The following DLEC1 variants were observed in gnomAD, a reference collection of about 807,000 sequenced individuals.
The protein encoded by DLEC1 is deleted in lung and esophageal cancer protein 1.
A neutral mutation model predicts 198.1 loss-of-function variants in DLEC1; 146 were observed. The ratio of observed to expected loss-of-function variants is 0.74; its 90% confidence interval spans 0.64 to 0.85. The LOEUF is 0.85. DLEC1 is among the 40% of genes least tolerant of loss of function. DLEC1 has a pLI of 0.00. For missense variants in DLEC1, 2,233 were observed against 2,220.0 expected (o/e 1.01, Z -0.12); for synonymous variants, 897 against 866.8 (o/e 1.03, Z -0.61).
intron 3 of DLEC1, among the ~76,000 whole-genome samples, chr3:38,061,325 C>T (rs1321097827): frequency 6.6e-6 from 1 of 151,944 alleles, no homozygotes; most frequent in African/African-American, 2.4e-5. Context: ...ATTAAAGGCG[C>T]CTGCCATCAT....
chr3:38,047,367 A>T (rs1420371865), intron 2 of DLEC1, among the ~76,000 whole-genome samples: 1 of 152,250 alleles, frequency 6.6e-6, no homozygotes, highest in African/African-American at 2.4e-5. Context: ...CCTGTGTTGT[A>T]GATATAGATG....
chr3:38,071,485 G>A (rs995229700), intron 6 of DLEC1, among the ~76,000 whole-genome samples: 4 of 152,186 alleles, frequency 2.6e-5, no homozygotes, highest in African/African-American at 9.7e-5. Context: ...GCTGGAAGGA[G>A]GTATTTTCCT....
chr3:38,052,650 C>T (rs1254884652), intron 2 of DLEC1, among the ~76,000 whole-genome samples: 3 of 152,198 alleles, frequency 2.0e-5, no homozygotes, highest in Non-Finnish European at 4.4e-5. Context: ...ATGATGAGGT[C>T]TCCGTCCACT....
intron 14 of DLEC1, 78 bp from the exon 15 acceptor site, chr3:38,096,491 C>T (rs28559718): frequency 0.083 from 124,106 of 1,487,156 alleles, 6,612 homozygotes; most frequent in African/African-American, 0.23. Context: ...CAAGGCCAAA[C>T]GTGGGACAGA....
Position 38,039,641 on chromosome 3 carries a change from C to CGTGGCG in DLEC1, c.411+12_411+17dup. 6.3e-7 allele frequency: 1 copy of CGTGGCG among 1,592,218 alleles called. No individual in the cohort carries two copies. The highest frequency in any genetic ancestry group is 8.6e-7 in the Non-Finnish European group (1 of 1,166,018). On this transcript the variant is annotated splice_donor_region_variant and intron_variant, in intron 1 of 36. Coordinates refer to ENST00000308059, the MANE Select transcript of DLEC1 (RefSeq NM_007335.4). ...TTCGTGGACCAGCTGCAGCAGGTAA[C>CGTGGCG]GTGGCGGTGGCGTCGCGTCTGCGGA... is the stretch of plus-strand genomic sequence containing the variant.
chr3:38,123,271 GCA>G lies in DLEC1; in HGVS notation c.*867_*868del. On this transcript the variant is annotated 3_prime_UTR_variant, in exon 37 of 37. Transcript: ENST00000308059. Reference sequence around the variant, plus strand: ...AGCGGTACCCTGGCCTCCCACTTGGGCACACACACGGTGACAGATGCCCACTG... The same window carrying G: ...AGCGGTACCCTGGCCTCCCACTTGGGCACACACGGTGACAGATGCCCACTG... The G allele has an allele frequency of 1.4e-6, 1 of 692,422 alleles. No individual in the cohort carries two copies. The highest frequency in any genetic ancestry group is 1.7e-5 in the South Asian group (1 of 59,398). 42.9% of individuals were successfully genotyped at this position (692,422 alleles called of 1,614,324 possible).
chr3:38,092,806 A>C lies in DLEC1; in HGVS notation c.1682A>C (p.Lys561Thr), dbSNP rs1218043983. Residue 561 changes from lysine to threonine, a missense_variant, in exon 11 of 37, where the codon AAG becomes ACG. Physicochemically the swap from Lys to Thr is moderately conservative, Grantham distance 78. Transcript: ENST00000308059. ...CTCCCCCAGGTCTTGTTTTCCCCAA[A>C]GAGCCTAGGAAAGGCAGAGCAGACC... ...AILVEVLFSP[K>T]SLGKAEQTFI... The C allele has an allele frequency of 6.2e-7, 1 of 1,614,172 alleles. No homozygotes were observed. The highest frequency in any genetic ancestry group is 8.5e-7 in the Non-Finnish European group (1 of 1,180,028).
intron 6 of DLEC1, among the ~76,000 whole-genome samples, chr3:38,075,049 G>T (rs115213192): frequency 6.6e-6 from 1 of 152,074 alleles, no homozygotes; most frequent in Non-Finnish European, 1.5e-5. Context: ...ATGGAAGAGC[G>T]GAGGCTGAGG....
At chr3:38,087,452 C>T (rs1698522839) in intron 9 of DLEC1, among the ~76,000 whole-genome samples, 1 of 148,532 alleles carries the variant, frequency 6.7e-6, no homozygotes. Context: ...CATCAGCATG[C>T]TCACACCATC....
rs1406679769 is a variant in DLEC1, at chr3:38,116,614, G to C, written c.4018G>C (p.Gly1340Arg). ...PEGGCLLWSP[G>R]PSSSSEFSHE... ...GGGTGGCTGCCTCCTCTGGTCCCCAGGCCCCTCCAGTTCATCGGAATTCAG... is the reference window on the plus strand; with the variant it reads ...GGGTGGCTGCCTCCTCTGGTCCCCACGCCCCTCCAGTTCATCGGAATTCAG... The change falls in exon 28 of 37, where the codon GGC (glycine) becomes CGC (arginine). Residue 1340 changes from glycine (G) to arginine (R), a missense_variant. By Grantham distance (125) the Gly-to-Arg change is moderately radical (BLOSUM62 -2). Coordinates refer to ENST00000308059, the MANE Select transcript of DLEC1 (RefSeq NM_007335.4). 7 of 1,614,128 alleles carry C rather than the reference G, an allele frequency of 4.3e-6. No homozygotes were observed. Among genetic ancestry groups the C allele is most frequent in the Non-Finnish European group, 5.9e-6 (7 of 1,179,986 alleles).
chr3:38,118,101 C>A (rs1388949527), intron 33 of DLEC1, 77 bp downstream of exon 33: 3 of 1,484,272 alleles, frequency 2.0e-6, no homozygotes, highest in South Asian at 1.3e-5. Flanking sequence ...TGCACGCCAC[C>A]CTCAGGTGCT....
Position 38,088,357 on chromosome 3 carries a change from A to G in DLEC1, c.1634A>G (p.Glu545Gly). 1 of 1,613,920 alleles carries G rather than the reference A, an allele frequency of 6.2e-7. No individual in the cohort carries two copies. The highest frequency in any genetic ancestry group is 8.5e-7 in the Non-Finnish European group (1 of 1,179,878). The change falls in exon 10 of 37, where the codon GAG (glutamate) becomes GGG (glycine). Residue 545 changes from glutamate to glycine, a missense_variant. Glu to Gly is a moderately conservative substitution (Grantham distance 98). Coordinates refer to ENST00000308059, the MANE Select transcript of DLEC1 (RefSeq NM_007335.4). ...TTTGGAATCCTGCCTTCGGTGTTTG[A>G]GCTGGCCCCGGGACATGCTATATTA... is the stretch of plus-strand genomic sequence containing the variant. The part of the protein sequence containing the change: ...PPFGILPSVF[E>G]LAPGHAILVE...
In DLEC1 at chr3:38,100,698, G is replaced by A. The variant is rs143286086; in HGVS notation, c.2864+273G>A. ...TTAGTATAACTACTTTCGAAACTAC[G>A]TTAGCATCAGCTAGTGTTTGCCCTT... On this transcript the variant is annotated intron_variant, in intron 19 of 36. Transcript: ENST00000308059. Among the ~76,000 whole-genome samples, 930 of 152,202 alleles carry A rather than the reference G, an allele frequency of 6.1e-3. 12 individuals carry two copies. The highest frequency in any genetic ancestry group is 0.02 in the African/African-American group (817 of 41,524).
At chr3:38,077,951 C>A (rs894196065) in intron 6 of DLEC1, among the ~76,000 whole-genome samples, 2 of 152,102 alleles carry the variant, frequency 1.3e-5, no homozygotes, top group Admixed American at 6.5e-5. Context: ...TTCTAAGAGG[C>A]GGGCTAGTGG....
In DLEC1 at chr3:38,112,357, G is replaced by A; in HGVS notation, c.3662G>A (p.Cys1221Tyr). Residue 1221 changes from cysteine to tyrosine, a missense_variant, in exon 25 of 37, where the codon TGC becomes TAC. Physicochemically the swap from Cys to Tyr is radical, Grantham distance 194 (BLOSUM62 -2). Transcript: ENST00000308059. This position sits in a 1 kb window ranked among gnomAD's most constrained non-coding sequence, Gnocchi z 4.8. ...GGCGAGTACTGGGACAACCTCATCTGCACGGTAAGGGTACACAAGAGGGCA... is the reference window on the plus strand; with the variant it reads ...GGCGAGTACTGGGACAACCTCATCTACACGGTAAGGGTACACAAGAGGGCA... ...MWGEYWDNLICTVGDLLPEVI... is the reference protein window; with the variant it reads ...MWGEYWDNLIYTVGDLLPEVI... 1.2e-6 allele frequency: 2 copies of A among 1,614,052 alleles called. No individual in the cohort carries two copies. The highest frequency in any genetic ancestry group is 1.7e-6 in the Non-Finnish European group (2 of 1,179,978).
Position 38,122,402 on chromosome 3 carries a change from ACCAGCCCTGAGGCTCCGCC to A in DLEC1, c.5267_*17del, listed in dbSNP as rs752498835. 22 of 1,613,988 alleles carry A rather than the reference ACCAGCCCTGAGGCTCCGCC, an allele frequency of 1.4e-5. No individual in the cohort carries two copies. Among genetic ancestry groups the A allele is most frequent in the Non-Finnish European group, 1.8e-5 (21 of 1,180,028 alleles). On this transcript the variant is annotated stop_lost and 3_prime_UTR_variant, in exon 37 of 37. Coordinates refer to ENST00000308059, the MANE Select transcript of DLEC1 (RefSeq NM_007335.4). ...TATGATGAGAGATACATGTTGCCTC[ACCAGCCCTGAGGCTCCGCC>A]CCAGCCCTCAGCCCCAGGCCCCAGC...
chr3:38,110,791 C>T (rs1360885553), intron 23 of DLEC1, among the ~76,000 whole-genome samples: 4 of 151,590 alleles, frequency 2.6e-5, no homozygotes, highest in East Asian at 3.9e-4. Context: ...CACACACACA[C>T]GTACATATAC....
chr3:38,114,902 G>GCCC, intron 26 of DLEC1, 81 bp from the exon 27 acceptor site: 1 of 1,266,046 alleles, frequency 7.9e-7, no homozygotes, highest in South Asian at 1.3e-5. Context: ...CCCTGCCTGA[G>GCCC]CCCCCAGTCC....
intron 1 of DLEC1, among the ~76,000 whole-genome samples, chr3:38,042,467 T>A (rs1005013448): frequency 6.6e-6 from 1 of 152,092 alleles, no homozygotes; most frequent in Non-Finnish European, 1.5e-5. Flanking sequence ...AATTTTGCAA[T>A]GTACACGAAT....
Sources: allele counts gnomAD v4.1 joint callset (sites outside exome capture counted in the v4.1 genomes callset), GRCh38; gene constraint gnomAD v4.1.1; non-coding constraint Gnocchi (gnomAD v3.1); transcripts MANE v1.5; gene names NCBI Gene and HGNC (gene_info 2026-07-23, HGNC 2026-07-21).